LOC128092252: variants seen among roughly 807,000 people sequenced by gnomAD.
chr15:50,654,352 C>G, the LOC128092252 span, among the ~76,000 whole-genome samples: 1 of 151,188 alleles, frequency 6.6e-6, no homozygotes, highest in Non-Finnish European at 1.5e-5. Flanking sequence ...GAGGCTAAGG[C>G]AGGAGAATTG....
chr15:50,678,057 G>A, the LOC128092252 span, among the ~76,000 whole-genome samples: 3 of 150,936 alleles, frequency 2.0e-5, no homozygotes, highest in African/African-American at 7.3e-5. Context: ...GACCGATATG[G>A]TGAAACCACG....
At chr15:50,679,538 A>ATATTTTT in the LOC128092252 span, among the ~76,000 whole-genome samples, 26 of 43,894 alleles carry the variant, frequency 5.9e-4, 1 homozygote, top group African/African-American at 2.7e-3. Flanking sequence ...ATATATATAT[A>ATATTTTT]TTTTTTTTTT....
chr15:50,679,511 A>ATT, the LOC128092252 span, among the ~76,000 whole-genome samples: 2 of 75,458 alleles, frequency 2.7e-5, no homozygotes, highest in Admixed American at 1.8e-4. Context: ...GTATATATAT[A>ATT]ATATATATAT....
the LOC128092252 span, among the ~76,000 whole-genome samples, chr15:50,681,789 G>C: frequency 6.6e-6 from 1 of 152,182 alleles, no homozygotes; most frequent in African/African-American, 2.4e-5. Flanking sequence ...ATAGTAAGAG[G>C]GGTAAACAGT....
the LOC128092252 span, chr15:50,663,065 A>T: frequency 6.3e-7 from 1 of 1,584,834 alleles, no homozygotes; most frequent in Non-Finnish European, 8.7e-7. Context: ...AAATGTTTTA[A>T]AGAATTGTTT....
chr15:50,658,066 G>A, the LOC128092252 span, among the ~76,000 whole-genome samples: 2 of 148,878 alleles, frequency 1.3e-5, no homozygotes, highest in African/African-American at 5.0e-5. Flanking sequence ...GTCCAATGGC[G>A]CAATCTCAGC....
the LOC128092252 span, among the ~76,000 whole-genome samples, chr15:50,682,173 C>CAAA: frequency 2.1e-3 from 133 of 63,678 alleles, 3 homozygotes; most frequent in African/African-American, 7.7e-3. Flanking sequence ...AACTCAGTCT[C>CAAA]AAAAAAAAAA....
chr15:50,672,898 C>CAAAAAAAAA, the LOC128092252 span, among the ~76,000 whole-genome samples: 3 of 26,220 alleles, frequency 1.1e-4, no homozygotes, highest in African/African-American at 3.9e-4. Flanking sequence ...GACTCTGTCT[C>CAAAAAAAAA]AAAAAAAAAA....
At chr15:50,658,091 G>A in the LOC128092252 span, among the ~76,000 whole-genome samples, 1 of 148,434 alleles carries the variant, frequency 6.7e-6, no homozygotes. Flanking sequence ...TGCAAGCTCC[G>A]CCTCCCGGGT....
At chr15:50,654,346 C>G in the LOC128092252 span, among the ~76,000 whole-genome samples, 3 of 151,114 alleles carry the variant, frequency 2.0e-5, no homozygotes, top group African/African-American at 7.3e-5. Context: ...ACTCGGGAGG[C>G]TAAGGCAGGA....
At chr15:50,672,341 C>A in the LOC128092252 span, among the ~76,000 whole-genome samples, 2 of 151,810 alleles carry the variant, frequency 1.3e-5, no homozygotes, top group African/African-American at 4.8e-5. Flanking sequence ...CAGGCGTGAG[C>A]CACCTCGCCC....
At chr15:50,657,904 C>CA in the LOC128092252 span, 21 of 1,078,338 alleles carry the variant, frequency 1.9e-5, no homozygotes, top group South Asian at 4.8e-5. Context: ...AAATACAAAA[C>CA]AAAAAAAATT....
chr15:50,659,059 G>A, the LOC128092252 span, among the ~76,000 whole-genome samples: 1,720 of 152,154 alleles, frequency 0.011, 35 homozygotes, highest in African/African-American at 0.04. Context: ...TTAGCCAGAT[G>A]TGGTGGCACA....
chr15:50,677,488 C>T, the LOC128092252 span, among the ~76,000 whole-genome samples: 1 of 152,216 alleles, frequency 6.6e-6, no homozygotes, highest in Admixed American at 6.5e-5. Context: ...CACCTATAAT[C>T]CCAGCACTTT....
the LOC128092252 span, among the ~76,000 whole-genome samples, chr15:50,657,221 G>A: frequency 1.3e-5 from 2 of 152,136 alleles, no homozygotes; most frequent in Non-Finnish European, 2.9e-5. Flanking sequence ...CTACTCGGGA[G>A]GCTGAGGCAG....
At chr15:50,656,168 C>T in the LOC128092252 span, among the ~76,000 whole-genome samples, 1 of 150,764 alleles carries the variant, frequency 6.6e-6, no homozygotes, top group African/African-American at 2.4e-5. Context: ...ATATGAAATG[C>T]TAAATAAAAG....
the LOC128092252 span, among the ~76,000 whole-genome samples, chr15:50,667,541 A>G: frequency 3.3e-5 from 5 of 152,270 alleles, no homozygotes; most frequent in South Asian, 1.0e-3. Context: ...CCCCACCTCT[A>G]CTAAAAATAC....
At chr15:50,675,460 C>T in the LOC128092252 span, among the ~76,000 whole-genome samples, 1 of 152,156 alleles carries the variant, frequency 6.6e-6, no homozygotes. Flanking sequence ...TACATACATT[C>T]TTCCCACACG....
At chr15:50,657,824 T>C in the LOC128092252 span, 2 of 1,610,070 alleles carry the variant, frequency 1.2e-6, no homozygotes, top group South Asian at 1.1e-5. Flanking sequence ...AGGCATCTAT[T>C]GAACACAAAA....
Sources: allele counts gnomAD v4.1 joint callset (sites outside exome capture counted in the v4.1 genomes callset), GRCh38; gene constraint gnomAD v4.1.1; transcripts MANE v1.5.